COX7A2L: variants seen among roughly 807,000 people sequenced by gnomAD.
The protein encoded by COX7A2L is cytochrome c oxidase subunit 7A2-like, mitochondrial.
In COX7A2L, 18 loss-of-function variants were observed where a neutral mutation model predicts 14.2. That is an observed-to-expected ratio of 1.27 (90% CI 0.88 to 1.88). The LOEUF (loss-of-function observed/expected upper bound fraction) is 1.88. Among genes scored for constraint, COX7A2L ranks in the 40% most tolerant of loss-of-function variants. COX7A2L has a pLI of 0.00. For synonymous variants in COX7A2L, 65 were observed against 57.4 expected (o/e 1.13, Z -0.60); for missense variants, 179 against 138.8 (o/e 1.29, Z -1.46).
In COX7A2L at chr2:42,338,432, T is replaced by C. The variant is rs996351881; in HGVS notation, c.193-4563A>G. ...AGAACTGAGATGAGGTGACCAGGCT[T>C]TCTCCGAGAGCGACAGGCCCCAGCT... On this transcript the variant is annotated intron_variant, in intron 2 of 2. Coordinates refer to the COX7A2L transcript ENST00000468711. This position sits in a 1 kb window ranked among gnomAD's most constrained non-coding sequence, Gnocchi z 4.4. Among the ~76,000 whole-genome samples the C allele has an allele frequency of 1.3e-5, 2 of 152,138 alleles. No individual in the cohort carries two copies. Among genetic ancestry groups the C allele is most frequent in the African/African-American group, 4.8e-5 (2 of 41,434 alleles).
intron 1 of COX7A2L, among the ~76,000 whole-genome samples, chr2:42,360,213 A>G (rs917253805): frequency 6.6e-6 from 1 of 152,232 alleles, no homozygotes; most frequent in Non-Finnish European, 1.5e-5. Flanking sequence ...ACTATCTCAG[A>G]CAGCTTCTGG....
chr2:42,366,733 G>A (rs565446751), intron 1 of COX7A2L, among the ~76,000 whole-genome samples: 5 of 152,198 alleles, frequency 3.3e-5, no homozygotes, highest in African/African-American at 1.2e-4. Flanking sequence ...TTAGAGTTTT[G>A]AGTCTAGTCT....
chr2:42,368,342 A>T (rs1671207517), intron 1 of COX7A2L, among the ~76,000 whole-genome samples: 1 of 152,260 alleles, frequency 6.6e-6, no homozygotes, highest in South Asian at 2.1e-4. Context: ...AATTTAAAGA[A>T]TGGGTTACAT....
chr2:42,363,464 A>T (rs1382635753), upstream of COX7A2L, among the ~76,000 whole-genome samples: 1 of 152,344 alleles, frequency 6.6e-6, no homozygotes, highest in East Asian at 1.9e-4. Flanking sequence ...AGCTTCTTTT[A>T]TAAGGTGCCT....
rs993679459 is a variant in COX7A2L, at chr2:42,342,731, G to T, written c.193-8862C>A. On this transcript the variant is annotated intron_variant, in intron 2 of 2. Coordinates refer to the COX7A2L transcript ENST00000468711. This position sits in a 1 kb window ranked among gnomAD's most constrained non-coding sequence, Gnocchi z 4.9. ...AAGAGAAGGCAGGATGTCCCAGGAG[G>T]GCTGTGTCAGAACTCAAGGAAAAAA... Among the ~76,000 whole-genome samples, 2 of 152,168 alleles carry T rather than the reference G, an allele frequency of 1.3e-5. No individual in the cohort carries two copies. The highest frequency in any genetic ancestry group is 4.8e-5 in the African/African-American group (2 of 41,430).
chr2:42,341,864 A>G (rs1670409004), intron 2 of COX7A2L, among the ~76,000 whole-genome samples: 1 of 152,228 alleles, frequency 6.6e-6, no homozygotes, highest in Admixed American at 6.5e-5. Flanking sequence ...TTAATTATTC[A>G]GTCAGAATCA....
chr2:42,348,422 T>G (rs1009398367), downstream of COX7A2L, among the ~76,000 whole-genome samples: 1 of 152,154 alleles, frequency 6.6e-6, no homozygotes, highest in African/African-American at 2.4e-5. Context: ...CAAACTGGTA[T>G]CAAGTGCCAC....
intron 1 of COX7A2L, among the ~76,000 whole-genome samples, chr2:42,366,602 G>C (rs951674213): frequency 1.3e-5 from 2 of 152,144 alleles, no homozygotes; most frequent in African/African-American, 4.8e-5. Flanking sequence ...TACTGAAAAA[G>C]CTTAAAGAAA....
intron 1 of COX7A2L, among the ~76,000 whole-genome samples, chr2:42,357,809 A>C (rs1670874594): frequency 6.6e-6 from 1 of 152,086 alleles, no homozygotes; most frequent in Admixed American, 6.6e-5. Flanking sequence ...AGGACAAACT[A>C]CCACAACTCT....
intron 1 of COX7A2L, among the ~76,000 whole-genome samples, chr2:42,355,970 C>T (rs928275835): frequency 2.0e-5 from 3 of 152,154 alleles, no homozygotes; most frequent in African/African-American, 7.2e-5. Flanking sequence ...AGGTGATCCA[C>T]CAACCTTGGC....
At chr2:42,368,092 A>G (rs1035581508) in intron 1 of COX7A2L, among the ~76,000 whole-genome samples, 2 of 152,272 alleles carry the variant, frequency 1.3e-5, no homozygotes, top group Non-Finnish European at 2.9e-5. Context: ...GAGCCTGTAA[A>G]TCTGCCCAGG....
chr2:42,340,563 A>G (rs1670382424), intron 2 of COX7A2L, among the ~76,000 whole-genome samples: 2 of 151,932 alleles, frequency 1.3e-5, no homozygotes, highest in African/African-American at 2.4e-5. Flanking sequence ...GTAACGCCTG[A>G]GCCTCTTCCT....
intron 2 of COX7A2L, among the ~76,000 whole-genome samples, chr2:42,337,578 T>C (rs1394328620): frequency 6.6e-6 from 1 of 152,136 alleles, no homozygotes; most frequent in East Asian, 1.9e-4. Flanking sequence ...GAGTGCACGC[T>C]GAACTGCTGA....
chr2:42,353,967 C>T (rs537209324), intron 1 of COX7A2L, among the ~76,000 whole-genome samples: 8 of 152,236 alleles, frequency 5.3e-5, no homozygotes, highest in Middle Eastern at 3.4e-3. Flanking sequence ...TAAAACATTA[C>T]GCTGAGTCAA....
chr2:42,348,571 G>C (rs151176275), downstream of COX7A2L, among the ~76,000 whole-genome samples: 291 of 152,212 alleles, frequency 1.9e-3, no homozygotes, highest in African/African-American at 6.8e-3. Context: ...CTTCAAATAG[G>C]TCACTATCAG....
In COX7A2L at chr2:42,366,385, T is replaced by C. The variant is rs1430625880; in HGVS notation, c.-688+2483A>G. Among the ~76,000 whole-genome samples, 3 of 152,130 alleles carry C rather than the reference T, an allele frequency of 2.0e-5. No individual in the cohort carries two copies. The East Asian group carries it at 5.8e-4, about 29-fold the overall frequency. ...GCTGCAGTGACCCAAGATCGTGCCATTGCACTGCAGCCTGGGTGACAGAAT... is the reference window on the plus strand; with the variant it reads ...GCTGCAGTGACCCAAGATCGTGCCACTGCACTGCAGCCTGGGTGACAGAAT... On this transcript the variant is annotated intron_variant, in intron 1 of 3. Coordinates refer to the COX7A2L transcript ENST00000378669.
upstream of COX7A2L, among the ~76,000 whole-genome samples, chr2:42,362,234 G>C (rs1361574585): frequency 1.3e-5 from 2 of 152,178 alleles, no homozygotes; most frequent in Non-Finnish European, 2.9e-5. Context: ...TGTCTGTTAA[G>C]CCTGTGCTGT....
In COX7A2L at chr2:42,361,144, A is replaced by C; in HGVS notation, c.18T>G (p.Ser6Arg). The change falls in exon 1 of 3, where the codon AGT (serine) becomes AGG (arginine). Residue 6 changes from serine (S) to arginine (R), a missense_variant. By Grantham distance (110) the Ser-to-Arg change is moderately radical. Transcript: ENST00000234301. MYYKF[S>R]GFTQKLAGAW... ...CTCCTGCCAACTTCTGCGTGAAGCC[A>C]CTAAACTTGTAGTACATGACGCCCA... The C allele has an allele frequency of 6.2e-7, 1 of 1,613,644 alleles. No homozygotes were observed. The highest frequency in any genetic ancestry group is 8.5e-7 in the Non-Finnish European group (1 of 1,179,840).
At chr2:42,367,405 A>T (rs912393970) in intron 1 of COX7A2L, among the ~76,000 whole-genome samples, 1 of 152,208 alleles carries the variant, frequency 6.6e-6, no homozygotes, top group African/African-American at 2.4e-5. Flanking sequence ...TGATTCCAAA[A>T]TGGCTAACTT....
Sources: allele counts gnomAD v4.1 joint callset (sites outside exome capture counted in the v4.1 genomes callset), GRCh38; gene constraint gnomAD v4.1.1; non-coding constraint Gnocchi (gnomAD v3.1); transcripts MANE v1.5; gene names NCBI Gene and HGNC (gene_info 2026-07-23, HGNC 2026-07-21).